Variants in TEX9 observed in about 807,000 individuals in gnomAD.
The protein encoded by TEX9 is testis-expressed protein 9.
In TEX9, 74 loss-of-function variants were observed where a neutral mutation model predicts 59.6. The ratio of observed to expected loss-of-function variants is 1.24; its 90% CI spans 1.03 to 1.51. The LOEUF is 1.51. Among genes scored for constraint, TEX9 ranks in the 40% most tolerant of loss-of-function variants. The pLI, the probability that TEX9 is intolerant of heterozygous loss-of-function variation, is 0.00. For missense variants in TEX9, 522 were observed against 447.8 expected (o/e 1.17, Z -1.49); for synonymous variants, 186 against 152.2 (o/e 1.22, Z -1.64).
At chr15:56,370,887 G>A (rs551355707) in intron 2 of TEX9, among the ~76,000 whole-genome samples, 13 of 152,064 alleles carry the variant, frequency 8.5e-5, no homozygotes, top group African/African-American at 3.1e-4. Context: ...ACAGAGCCTT[G>A]CTCTGTTGCC....
chr15:56,378,423 A>T, intron 3 of TEX9, among the ~76,000 whole-genome samples: 1 of 148,454 alleles, frequency 6.7e-6, no homozygotes, highest in African/African-American at 2.5e-5. Flanking sequence ...TTAGTTTTGG[A>T]TTTCTTCATG....
At chr15:56,359,471 G>T (rs2046751533) in intron 1 of TEX9, among the ~76,000 whole-genome samples, 1 of 152,068 alleles carries the variant, frequency 6.6e-6, no homozygotes. Context: ...TTGTCCTTTT[G>T]TGTCTGGCTT....
Position 56,266,327 on chromosome 15 carries a change from CT to C in TEX9, c.-107+22062del, listed in dbSNP as rs750991112. On this transcript the variant is annotated intron_variant, in intron 1 of 5. Transcript: ENST00000560827. ...TTTTAGTAGAGATGGGGTTTCTTTT[CT>C]TTTTTTTTTTTTAGTACTTTAAGTT... 8.4e-3 allele frequency among the ~76,000 whole-genome samples: 1,159 copies of C among 138,488 alleles called. 5 individuals carry two copies. Among genetic ancestry groups the C allele is most frequent in the Non-Finnish European group, 0.011 (708 of 62,840 alleles). The allele number at this position is 138,488 out of a possible 152,430, so 90.9% of individuals were successfully genotyped here.
chr15:56,382,425 A>G (rs2047773111), intron 3 of TEX9, among the ~76,000 whole-genome samples: 1 of 152,152 alleles, frequency 6.6e-6, no homozygotes, highest in Non-Finnish European at 1.5e-5. Flanking sequence ...TCACAAGCAG[A>G]AGGAGTCTTT....
At chr15:56,405,488 C>A (rs1321784308) in intron 9 of TEX9, among the ~76,000 whole-genome samples, 2 of 152,102 alleles carry the variant, frequency 1.3e-5, no homozygotes, top group African/African-American at 4.8e-5. Context: ...ACCATCTATT[C>A]CAAAATCTTA....
intron 1 of TEX9, among the ~76,000 whole-genome samples, chr15:56,300,199 G>A (rs1454392007): frequency 6.6e-6 from 1 of 151,654 alleles, no homozygotes; most frequent in Non-Finnish European, 1.5e-5. Context: ...GAGCCCTTGG[G>A]CCTTGATCAT....
At chr15:56,252,032 G>T (rs369637657) in intron 1 of TEX9, among the ~76,000 whole-genome samples, 1 of 152,106 alleles carries the variant, frequency 6.6e-6, no homozygotes, top group Non-Finnish European at 1.5e-5. Context: ...TACACATAAA[G>T]TTATGGTGTG....
chr15:56,409,877 C>T (rs1267911640), intron 9 of TEX9: 1 of 152,134 alleles, frequency 6.6e-6, no homozygotes, highest in African/African-American at 2.4e-5. Flanking sequence ...TAGTTTTACC[C>T]TTCCCTCATT....
At chr15:56,338,379 G>C (rs1483613015) in intron 1 of TEX9, among the ~76,000 whole-genome samples, 13 of 152,268 alleles carry the variant, frequency 8.5e-5, no homozygotes, top group African/African-American at 3.1e-4. Flanking sequence ...TCAAAAGTCT[G>C]CTCCACCTGT....
At chr15:56,460,009 A>AAAAAAAAAAAAAAAAAT in the TEX9 span, among the ~76,000 whole-genome samples, 17 of 26,386 alleles carry the variant, frequency 6.4e-4, 5 homozygotes, top group African/African-American at 2.6e-3. Flanking sequence ...AAAAAAAAAA[A>AAAAAAAAAAAAAAAAAT]ATACATATAT....
At chr15:56,298,296 G>A (rs2045264105) in intron 1 of TEX9, among the ~76,000 whole-genome samples, 1 of 152,078 alleles carries the variant, frequency 6.6e-6, no homozygotes, top group Admixed American at 6.6e-5. Context: ...CTTCCACAAT[G>A]TTTCTTCAAA....
At chr15:56,409,777 G>C (rs1169333852) in intron 9 of TEX9, 1 of 152,270 alleles carries the variant, frequency 6.6e-6, no homozygotes, top group Admixed American at 6.5e-5. Context: ...GACTACAGGC[G>C]TGAGCCACTG....
intron 1 of TEX9, among the ~76,000 whole-genome samples, chr15:56,335,320 A>C (rs1248530709): frequency 6.6e-6 from 1 of 152,224 alleles, no homozygotes; most frequent in Non-Finnish European, 1.5e-5. Context: ...TCAGCCATAA[A>C]AAGAATGAGA....
intron 1 of TEX9, among the ~76,000 whole-genome samples, chr15:56,348,676 C>T (rs2046518489): frequency 6.6e-6 from 1 of 152,026 alleles, no homozygotes; most frequent in Non-Finnish European, 1.5e-5. Context: ...ATTTTCTCAT[C>T]TTTTGTTTTC....
chr15:56,394,274 C>T (rs769264136), intron 8 of TEX9, 27 bp downstream of exon 8: 6 of 1,526,784 alleles, frequency 3.9e-6, no homozygotes, highest in Non-Finnish European at 4.4e-6. Context: ...TCTTAAAAGG[C>T]TCTAATATTC....
At chr15:56,295,384 T>C (rs1179940968) in intron 1 of TEX9, among the ~76,000 whole-genome samples, 1 of 152,260 alleles carries the variant, frequency 6.6e-6, no homozygotes, top group Non-Finnish European at 1.5e-5. Context: ...CAAGTATCCT[T>C]ATGGAGGTAT....
intron 1 of TEX9, chr15:56,274,492 G>A (rs1275308219): frequency 6.6e-6 from 1 of 152,016 alleles, no homozygotes; most frequent in Non-Finnish European, 1.5e-5. Context: ...TTGACAGTGA[G>A]TTCATTTTTT....
At chr15:56,433,810 A>G (rs1271302431) in intron 12 of TEX9, among the ~76,000 whole-genome samples, 1 of 152,150 alleles carries the variant, frequency 6.6e-6, no homozygotes, top group African/African-American at 2.4e-5. Flanking sequence ...CAAAACATCC[A>G]TAGCTCTATA....
intron 9 of TEX9, among the ~76,000 whole-genome samples, chr15:56,400,481 T>G (rs1409889087): frequency 6.6e-6 from 1 of 152,100 alleles, no homozygotes; most frequent in Non-Finnish European, 1.5e-5. Context: ...AAAATGGGAC[T>G]ATGTGAAAAG....
Sources: gnomAD v4.1 joint callset for allele counts (sites outside exome capture counted in the v4.1 genomes callset) on GRCh38, gnomAD v4.1.1 for gene constraint, MANE v1.5 for transcripts, NCBI Gene and HGNC (gene_info 2026-07-23, HGNC 2026-07-21) for gene names.